The following EPM2A variants were observed in gnomAD, a reference collection of about 807,000 sequenced individuals.
EPM2A encodes the protein EPM2A glucan phosphatase, laforin, also known as laforin.
Under a neutral mutation model 26.5 loss-of-function variants are expected in EPM2A, and 21 were observed. The ratio of observed to expected loss-of-function variants is 0.79; its 90% CI spans 0.56 to 1.14. The LOEUF is 1.14. Among genes scored for constraint, EPM2A ranks in the 50% most tolerant of loss-of-function variants. The pLI is 0.00. For synonymous variants in EPM2A, 217 were observed against 177.6 expected, an observed-to-expected ratio of 1.22 and a Z score of -1.76; for missense variants, 458 against 440.8, an observed-to-expected ratio of 1.04 and a Z score of -0.35.
rs79615156 is a variant in EPM2A at position 145,455,108 on chromosome 6, A to C, written c.555+47414T>G. 3.1e-3 allele frequency among the ~76,000 whole-genome samples: 467 copies of C among 151,966 alleles called. 10 individuals carry two copies. The East Asian group carries it at 0.053, about 17-fold the overall frequency. On this transcript the variant is annotated intron_variant, in intron 4 of 4. Transcript: ENST00000638717. ...AGAGAATGTGGTAATAGAGATATTGACTCTAAATATGTGGGCATATGGAAT... is the reference window on the plus strand; with the variant it reads ...AGAGAATGTGGTAATAGAGATATTGCCTCTAAATATGTGGGCATATGGAAT...
intron 2 of EPM2A, among the ~76,000 whole-genome samples, chr6:145,573,453 C>A (rs1780986557): frequency 6.6e-6 from 1 of 152,208 alleles, no homozygotes; most frequent in Non-Finnish European, 1.5e-5. Context: ...GGAGTCACCA[C>A]TTGGTTAAGC....
chr6:145,655,654 T>A (rs1178447218), intron 2 of EPM2A, among the ~76,000 whole-genome samples: 1 of 152,132 alleles, frequency 6.6e-6, no homozygotes, highest in Non-Finnish European at 1.5e-5. Flanking sequence ...GCTTGTCAGG[T>A]TTTAGACATT....
intron 2 of EPM2A, 123 bp from the exon 3 acceptor site, chr6:145,635,609 A>G: frequency 1.1e-6 from 1 of 898,388 alleles, no homozygotes; most frequent in Non-Finnish European, 1.8e-6. Context: ...GAAAAGCTAG[A>G]TATTTTAGAA....
intron 2 of EPM2A, chr6:145,636,272 AG>A: frequency 6.6e-6 from 1 of 152,290 alleles, no homozygotes; most frequent in Non-Finnish European, 1.5e-5. Context: ...AGGCCAAGGC[AG>A]GCGGGTCACC....
At position 145,635,238 on chromosome 6, in the gene EPM2A, T is replaced by A; in HGVS notation, c.718+7A>T. On this transcript the variant is annotated splice_region_variant and intron_variant, in intron 3 of 3. Transcript: ENST00000367519. ...CAGCAAGGAGGCAGAACAGTTCTGA[T>A]CCTTACCTTCGGTGCTCATATCTGG... The A allele has an allele frequency of 6.2e-7, 1 of 1,614,172 alleles. No homozygotes were observed. Among genetic ancestry groups the A allele is most frequent in the Non-Finnish European group, 8.5e-7 (1 of 1,180,012 alleles).
chr6:145,535,471 C>T (rs977350017), intron 2 of EPM2A, among the ~76,000 whole-genome samples: 1 of 152,076 alleles, frequency 6.6e-6, no homozygotes, highest in African/African-American at 2.4e-5. Flanking sequence ...TTTTAAAGCT[C>T]TCCCAGAGGT....
chr6:145,726,368 A>G (rs1040442030), intron 1 of EPM2A, among the ~76,000 whole-genome samples: 1 of 152,178 alleles, frequency 6.6e-6, no homozygotes, highest in Non-Finnish European at 1.5e-5. Context: ...TCCTCCATAT[A>G]AATACATTCC....
intron 2 of EPM2A, among the ~76,000 whole-genome samples, chr6:145,539,576 C>T (rs1278898634): frequency 6.6e-6 from 1 of 152,112 alleles, no homozygotes; most frequent in Non-Finnish European, 1.5e-5. Context: ...GTTTATAATT[C>T]CTTATGTCTT....
At chr6:145,567,554 C>T (rs1483662295) in intron 2 of EPM2A, among the ~76,000 whole-genome samples, 3 of 152,230 alleles carry the variant, frequency 2.0e-5, no homozygotes, top group African/African-American at 4.8e-5. Flanking sequence ...TGTACCAACA[C>T]ATGTGCTCCT....
At chr6:145,568,649 C>T (rs1780916429) in intron 2 of EPM2A, among the ~76,000 whole-genome samples, 1 of 152,116 alleles carries the variant, frequency 6.6e-6, no homozygotes, top group African/African-American at 2.4e-5. Context: ...TAATCCAGTG[C>T]AAAGTGCTTT....
intron 2 of EPM2A, among the ~76,000 whole-genome samples, chr6:145,655,442 G>A (rs946499985): frequency 9.2e-5 from 14 of 151,964 alleles, no homozygotes; most frequent in Non-Finnish European, 1.5e-5. Context: ...AGGTTGCAAG[G>A]ATACAAAGGT....
chr6:145,677,989 G>T (rs1274982545), intron 2 of EPM2A, among the ~76,000 whole-genome samples: 1 of 152,110 alleles, frequency 6.6e-6, no homozygotes, highest in African/African-American at 2.4e-5. Context: ...TAAGCAAAAA[G>T]ACCAAAGCTG....
rs181654246 is a variant in EPM2A at position 145,395,596 on chromosome 6, T to C, written c.556-11499A>G. Among the ~76,000 whole-genome samples, 6 of 152,292 alleles carry C rather than the reference T, an allele frequency of 3.9e-5. No homozygotes were observed. In the East Asian group the frequency reaches 1.2e-3, roughly 29 times the overall value. On this transcript the variant is annotated intron_variant, in intron 4 of 4. Transcript: ENST00000638717. ...TTCTCACCCTGCACCACACTCAGCATCTTTCAACTAGTCCACTGACCTGCT... is the reference window on the plus strand; with the variant it reads ...TTCTCACCCTGCACCACACTCAGCACCTTTCAACTAGTCCACTGACCTGCT...
chr6:145,551,893 A>G (rs529439072), intron 2 of EPM2A, among the ~76,000 whole-genome samples: 35 of 151,936 alleles, frequency 2.3e-4, no homozygotes, highest in African/African-American at 8.5e-4. Flanking sequence ...ACTTGGAAGC[A>G]TGAACAAAGA....
chr6:145,583,993 G>C (rs1048820026), intron 2 of EPM2A, among the ~76,000 whole-genome samples: 9 of 152,202 alleles, frequency 5.9e-5, no homozygotes, highest in African/African-American at 2.2e-4. Context: ...GGCAGCAACT[G>C]TGTGGTTTGC....
At chr6:145,568,989 T>C (rs1405682794) in intron 2 of EPM2A, among the ~76,000 whole-genome samples, 1 of 152,126 alleles carries the variant, frequency 6.6e-6, no homozygotes, top group Non-Finnish European at 1.5e-5. Context: ...ACAATGGAAT[T>C]GAAAGGGGAG....
intron 2 of EPM2A, among the ~76,000 whole-genome samples, chr6:145,671,903 A>G (rs1779673711): frequency 1.3e-5 from 2 of 152,130 alleles, no homozygotes; most frequent in Non-Finnish European, 2.9e-5. Context: ...TGTTCATAAA[A>G]TCTAATTTAT....
intron 2 of EPM2A, among the ~76,000 whole-genome samples, chr6:145,600,892 GCA>G: frequency 6.6e-6 from 1 of 152,280 alleles, no homozygotes; most frequent in African/African-American, 2.4e-5. Context: ...CCCTCAGAGG[GCA>G]CAGAGTTCTG....
chr6:145,575,651 G>C (rs563505245), intron 2 of EPM2A, among the ~76,000 whole-genome samples: 1 of 152,272 alleles, frequency 6.6e-6, no homozygotes, highest in South Asian at 2.1e-4. Context: ...ATTATGTATA[G>C]AGTCACTAAA....
Sources: allele counts gnomAD v4.1 joint callset (sites outside exome capture counted in the v4.1 genomes callset), GRCh38; gene constraint gnomAD v4.1.1; transcripts MANE v1.5; gene names NCBI Gene and HGNC (gene_info 2026-07-23, HGNC 2026-07-21).